AFF3: variants seen among roughly 807,000 people sequenced by gnomAD.
AFF3 encodes AF4/FMR2 family member 3.
Under a neutral mutation model 129.7 loss-of-function variants are expected in AFF3, and 32 were observed. That is an observed-to-expected ratio of 0.25 (90% CI 0.19 to 0.33). The LOEUF (loss-of-function observed/expected upper bound fraction) is 0.33, where lower values mean the gene tolerates loss of function less well. Among genes scored for constraint, AFF3 ranks in the 10% least tolerant of loss-of-function variants. AFF3 has a pLI of 1.00. For synonymous variants in AFF3, 644 were observed against 635.4 expected, an observed-to-expected ratio of 1.01 and a Z score of -0.20; for missense variants, 1,373 against 1,592.0, an observed-to-expected ratio of 0.86 and a Z score of 2.34.
intron 4 of AFF3, among the ~76,000 whole-genome samples, chr2:100,023,073 T>C (rs1683731807): frequency 6.6e-6 from 1 of 152,210 alleles, no homozygotes; most frequent in African/African-American, 2.4e-5. Context: ...CTCCATCCAC[T>C]GGACTTCAGA....
intron 7 of AFF3, among the ~76,000 whole-genome samples, chr2:99,940,152 G>A (rs928825974): frequency 3.9e-5 from 6 of 152,150 alleles, no homozygotes; most frequent in African/African-American, 1.4e-4. Flanking sequence ...GTGTGTGTGA[G>A]TGTGCACAGG....
At chr2:99,577,908 T>C (rs1227592965) in intron 18 of AFF3, among the ~76,000 whole-genome samples, 1 of 152,234 alleles carries the variant, frequency 6.6e-6, no homozygotes, top group Non-Finnish European at 1.5e-5. Context: ...ATAAAGAATA[T>C]AGCAGTTGGA....
intron 4 of AFF3, among the ~76,000 whole-genome samples, chr2:100,056,059 TCTCTCACACACACACA>T (rs777170443): frequency 8.7e-5 from 10 of 114,654 alleles, no homozygotes; most frequent in Non-Finnish European, 1.3e-4. Flanking sequence ...TCGCTGTCTC[TCTCTCACACACACACA>T]CACACACACA....
At position 99,727,112 on chromosome 2, in the gene AFF3, C is replaced by T. The variant is rs1232308618; in HGVS notation, c.1056G>A (p.Glu352=). ...GHNNPKKGDA[E]PESPDNGTSN... ...ATGTGCCATTGTCTGGACTCTCTGG[C>T]TCTGCATCACCTTTCTCTTAAAAAG... Residue 352 remains glutamate (E), a synonymous_variant, in exon 11 of 25, where the codon GAG becomes GAA. Transcript: ENST00000672756. The T allele has an allele frequency of 3.7e-6, 6 of 1,610,346 alleles. No individual in the cohort carries two copies. Among genetic ancestry groups the T allele is most frequent in the African/African-American group, 2.7e-5 (2 of 74,698 alleles).
intron 7 of AFF3, among the ~76,000 whole-genome samples, chr2:99,939,973 T>C (rs542422127): frequency 7.2e-5 from 11 of 152,366 alleles, no homozygotes; most frequent in South Asian, 6.2e-4. Context: ...AGATGTGTTA[T>C]GCTATAGTCA....
At chr2:100,131,427 G>A (rs1212354729) in intron 1 of AFF3, among the ~76,000 whole-genome samples, 2 of 152,112 alleles carry the variant, frequency 1.3e-5, no homozygotes, top group Admixed American at 1.3e-4. Flanking sequence ...GGATGAATGA[G>A]TGAAAGAATA....
At chr2:99,983,881 A>G (rs1387592400) in intron 7 of AFF3, among the ~76,000 whole-genome samples, 1 of 152,146 alleles carries the variant, frequency 6.6e-6, no homozygotes, top group Non-Finnish European at 1.5e-5. Context: ...TGTAAATAAC[A>G]TTAGTTTTAA....
intron 7 of AFF3, among the ~76,000 whole-genome samples, chr2:99,918,646 A>C (rs1695646524): frequency 6.6e-6 from 1 of 152,236 alleles, no homozygotes; most frequent in Non-Finnish European, 1.5e-5. Flanking sequence ...ATAGGTATTC[A>C]ATGACTGTTA....
intron 4 of AFF3, among the ~76,000 whole-genome samples, chr2:100,090,942 G>A (rs373080888): frequency 9.2e-5 from 14 of 152,064 alleles, no homozygotes; most frequent in South Asian, 2.1e-4. Flanking sequence ...TACCCACCTC[G>A]GCCTCCCAAA....
chr2:99,855,250 T>C (rs1033098375), intron 7 of AFF3, among the ~76,000 whole-genome samples: 3 of 152,226 alleles, frequency 2.0e-5, no homozygotes, highest in African/African-American at 7.2e-5. Context: ...GTGGTGATGG[T>C]TGCATAAGTC....
chr2:100,074,232 T>C lies in AFF3; in HGVS notation c.53+30170A>G, dbSNP rs1573346302. Among the ~76,000 whole-genome samples, 3 of 152,184 alleles carry C rather than the reference T, an allele frequency of 2.0e-5. No individual in the cohort carries two copies. In the East Asian group the frequency reaches 5.8e-4, roughly 29 times the overall value. The stretch of plus-strand genomic sequence containing the variant: ...TGCTGACCCCTCACTCCTTGGAATT[T>C]CCCACTTCCTGAGCTCCTGGACTTT... On this transcript the variant is annotated intron_variant, in intron 4 of 24. Transcript: ENST00000672756.
chr2:100,136,618 A>G (rs981888436), intron 1 of AFF3, among the ~76,000 whole-genome samples: 1 of 152,230 alleles, frequency 6.6e-6, no homozygotes, highest in East Asian at 1.9e-4. Context: ...CTGTTTATCC[A>G]TTTGGAGCTA....
At position 99,947,543 on chromosome 2, in the gene AFF3, GAGAA is replaced by G. The variant is rs931827509; in HGVS notation, c.873+59085_873+59088del. ...AGAGAGAAAGAAAGAAAGAAAAAGA[GAGAA>G]AGAAAGAGAGAGAAAGAGAAAGAAA... On this transcript the variant is annotated intron_variant, in intron 7 of 24. Transcript: ENST00000672756. 6.0e-4 allele frequency among the ~76,000 whole-genome samples: 71 copies of G among 118,768 alleles called. No homozygotes were observed. The South Asian group carries it at 9.2e-3, about 15-fold the overall frequency. The allele number at this position is 118,768 out of a possible 152,430, so 77.9% of individuals were successfully genotyped here.
chr2:99,700,854 ATGTC>A (rs1676780119), intron 11 of AFF3, among the ~76,000 whole-genome samples: 1 of 152,172 alleles, frequency 6.6e-6, no homozygotes. Context: ...GCCAAAGACA[ATGTC>A]TGTCTGTTGT....
chr2:99,975,052 T>G (rs1678741195), intron 7 of AFF3, among the ~76,000 whole-genome samples: 2 of 152,198 alleles, frequency 1.3e-5, no homozygotes, highest in South Asian at 4.1e-4. Flanking sequence ...TAACCAGGAT[T>G]ATGTGGGCCA....
intron 7 of AFF3, among the ~76,000 whole-genome samples, chr2:99,910,889 A>G (rs1011970461): frequency 6.6e-6 from 1 of 152,270 alleles, no homozygotes; most frequent in African/African-American, 2.4e-5. Flanking sequence ...GACAAATCAC[A>G]TAATTAGAGC....
intron 11 of AFF3, among the ~76,000 whole-genome samples, chr2:99,683,676 A>G (rs570841321): frequency 5.9e-5 from 9 of 152,290 alleles, no homozygotes; most frequent in Admixed American, 5.9e-4. Flanking sequence ...CCTGGGCTCA[A>G]GTGATCCACC....
At chr2:99,742,720 C>T (rs1188540600) in intron 10 of AFF3, among the ~76,000 whole-genome samples, 1 of 152,140 alleles carries the variant, frequency 6.6e-6, no homozygotes, top group African/African-American at 2.4e-5. Flanking sequence ...TAAAAAATGA[C>T]TCGTTATTAG....
chr2:99,679,989 C>A (rs1642389808), intron 11 of AFF3, among the ~76,000 whole-genome samples: 1 of 152,194 alleles, frequency 6.6e-6, no homozygotes, highest in African/African-American at 2.4e-5. Flanking sequence ...AAGTGTCTCA[C>A]TGTTTACTGG....
Sources: allele counts gnomAD v4.1 joint callset (sites outside exome capture counted in the v4.1 genomes callset), GRCh38; gene constraint gnomAD v4.1.1; transcripts MANE v1.5; gene names NCBI Gene and HGNC (gene_info 2026-07-23, HGNC 2026-07-21).